PCDH15: variants seen among roughly 807,000 people sequenced by gnomAD.
PCDH15 encodes the protein protocadherin-15.
A neutral mutation model predicts 178.5 loss-of-function variants in PCDH15; 129 were observed. The ratio of observed to expected loss-of-function variants is 0.72; its 90% confidence interval spans 0.63 to 0.84. The LOEUF (loss-of-function observed/expected upper bound fraction) is 0.84. Ranked by LOEUF, PCDH15 falls within the 40% of genes least tolerant of loss-of-function variation. The probability of loss-of-function intolerance (pLI) is 0.00; values close to 1 mark genes in which losing one functional copy is unlikely to be tolerated. For synonymous variants in PCDH15, 800 were observed against 732.0 expected, an observed-to-expected ratio of 1.09 and a Z score of -1.50; for missense variants, 2,230 against 2,099.9, an observed-to-expected ratio of 1.06 and a Z score of -1.21.
intron 3 of PCDH15, among the ~76,000 whole-genome samples, chr10:54,853,217 A>C (rs926646465): frequency 4.7e-5 from 7 of 147,892 alleles, no homozygotes; most frequent in Non-Finnish European, 1.0e-4. Flanking sequence ...CCGAGATTAC[A>C]CCATTGCACT....
At chr10:54,891,123 T>A (rs1954453376) in intron 3 of PCDH15, among the ~76,000 whole-genome samples, 1 of 152,096 alleles carries the variant, frequency 6.6e-6, no homozygotes, top group Admixed American at 6.6e-5. Context: ...ATTATCAATG[T>A]TCTAAACAAA....
intron 26 of PCDH15, among the ~76,000 whole-genome samples, chr10:53,869,918 A>C (rs1204269514): frequency 6.6e-6 from 1 of 152,214 alleles, no homozygotes; most frequent in Non-Finnish European, 1.5e-5. Flanking sequence ...ACATTGACTG[A>C]ATCATAAAAT....
intron 18 of PCDH15, among the ~76,000 whole-genome samples, chr10:54,050,072 C>T (rs2660160): frequency 5.3e-5 from 8 of 152,106 alleles, no homozygotes; most frequent in African/African-American, 1.7e-4. Flanking sequence ...ATGCTGGCCT[C>T]ACAGAGTGCG....
At position 54,153,257 on chromosome 10, in the gene PCDH15, C is replaced by T. The variant is rs187850596; in HGVS notation, c.1627G>A (p.Glu543Lys). 4.2e-5 allele frequency: 68 copies of T among 1,613,778 alleles called. No individual in the cohort carries two copies. The highest frequency in any genetic ancestry group is 5.4e-5 in the Non-Finnish European group (64 of 1,179,848). Residue 543 changes from glutamate (E) to lysine (K), a missense_variant, in exon 14 of 38, where the codon GAG becomes AAG. By Grantham distance (56) the Glu-to-Lys change is moderately conservative (BLOSUM62 1). Coordinates refer to ENST00000644397, the MANE Select transcript of PCDH15 (RefSeq NM_001384140.1). The stretch of plus-strand genomic sequence containing the variant: ...CCAACAAGGATTTCATATGTGATCT[C>T]CCCATTTGACCCTTCGTCTGCGTCG... ...AVDADEGSNG[E>K]ITYEILVGAQ...
intron 2 of PCDH15, among the ~76,000 whole-genome samples, chr10:55,336,124 GAAAAAAA>G (rs748988261): frequency 2.8e-3 from 167 of 59,292 alleles, no homozygotes; most frequent in African/African-American, 9.5e-3. Flanking sequence ...CTTGGTATTT[GAAAAAAA>G]AAAAAAAAAA....
At chr10:55,282,159 T>C (rs1421982350) in intron 1 of PCDH15, among the ~76,000 whole-genome samples, 1 of 152,202 alleles carries the variant, frequency 6.6e-6, no homozygotes, top group Non-Finnish European at 1.5e-5. Flanking sequence ...TCCTTAATAA[T>C]AATACTGTTT....
At chr10:53,951,824 G>A (rs2087083939) in intron 23 of PCDH15, among the ~76,000 whole-genome samples, 1 of 152,186 alleles carries the variant, frequency 6.6e-6, no homozygotes, top group African/African-American at 2.4e-5. Context: ...TGCCAAGGGT[G>A]AGCCAGGTGC....
At chr10:54,248,170 T>C (rs867710388) in intron 8 of PCDH15, among the ~76,000 whole-genome samples, 1 of 151,702 alleles carries the variant, frequency 6.6e-6, no homozygotes, top group African/African-American at 2.4e-5. Flanking sequence ...GTGATATGAA[T>C]TTTGAAAGTT....
chr10:54,550,488 C>CTGTGTGTGTGTG lies in PCDH15; in HGVS notation c.92-22623_92-22612dup, dbSNP rs71010384. ...TGCCCCTGTGCCTTAGTGTATGTGT[C>CTGTGTGTGTGTG]TGTGTGTGTGTGTGTGTGTGTCACA... On this transcript the variant is annotated intron_variant, in intron 2 of 37. Coordinates refer to ENST00000644397, the MANE Select transcript of PCDH15 (RefSeq NM_001384140.1). 3.3e-5 allele frequency among the ~76,000 whole-genome samples: 5 copies of CTGTGTGTGTGTG among 150,860 alleles called. No individual in the cohort carries two copies. The South Asian group carries it at 6.3e-4, about 19-fold the overall frequency.
intron 1 of PCDH15, among the ~76,000 whole-genome samples, chr10:55,233,175 A>AT (rs1379809792): frequency 6.6e-6 from 1 of 152,128 alleles, no homozygotes; most frequent in Non-Finnish European, 1.5e-5. Flanking sequence ...TTGTTTTGAC[A>AT]TGATGGAGAT....
chr10:55,314,704 A>T (rs915135043), intron 1 of PCDH15, among the ~76,000 whole-genome samples: 2 of 152,136 alleles, frequency 1.3e-5, no homozygotes, highest in African/African-American at 4.8e-5. Flanking sequence ...ATGTAGTAGA[A>T]TTGTCTTCTT....
At chr10:53,837,086 CTG>C (rs1339562576) in intron 29 of PCDH15, among the ~76,000 whole-genome samples, 5 of 149,356 alleles carry the variant, frequency 3.3e-5, no homozygotes, top group African/African-American at 5.0e-5. Context: ...AAAGAAAAAA[CTG>C]TGTGTCTATG....
intron 2 of PCDH15, among the ~76,000 whole-genome samples, chr10:54,655,256 A>AAGAGAGAGAGAGAGAGAGAGAGAG (rs1173377441): frequency 1.0e-3 from 49 of 48,888 alleles, no homozygotes; most frequent in Admixed American, 1.6e-3. Context: ...GAAAGAAAGA[A>AAGAGAGAGAGAGAGAGAGAGAGAG]AGAGAGAGAG....
rs528501323 is a variant in PCDH15, at chr10:54,713,563, C to T, written c.-28-49273G>A. On this transcript the variant is annotated intron_variant, in intron 1 of 37. Transcript: ENST00000644397. ...ATTAAGTAGTCAGTATTCCACAGAT[C>T]ATGGAAGATTTTAGAATTCTGGATA... Among the ~76,000 whole-genome samples the T allele has an allele frequency of 1.3e-4, 20 of 152,106 alleles. 1 individual carries two copies. Among genetic ancestry groups the T allele is most frequent in the South Asian group, 1.2e-3 (6 of 4,812 alleles).
intron 15 of PCDH15, among the ~76,000 whole-genome samples, chr10:54,131,042 G>C (rs948641112): frequency 6.6e-6 from 1 of 152,126 alleles, no homozygotes; most frequent in African/African-American, 2.4e-5. Flanking sequence ...GAAGCACAAA[G>C]GGTGAATAGA....
chr10:54,421,692 A>ATATATATATATATG (rs1955378383), intron 3 of PCDH15, among the ~76,000 whole-genome samples: 8 of 113,658 alleles, frequency 7.0e-5, no homozygotes, highest in African/African-American at 1.5e-4. Context: ...ATATATATAT[A>ATATATATATATATG]TACACACACA....
intron 10 of PCDH15, among the ~76,000 whole-genome samples, chr10:54,206,284 C>A (rs1038695786): frequency 4.6e-5 from 7 of 152,046 alleles, no homozygotes; most frequent in Admixed American, 2.0e-4. Context: ...CCTTGCCACT[C>A]TGGGGAAGAC....
intron 2 of PCDH15, among the ~76,000 whole-genome samples, chr10:54,972,817 C>T (rs1838970120): frequency 7.1e-6 from 1 of 141,536 alleles, no homozygotes; most frequent in Non-Finnish European, 1.5e-5. Flanking sequence ...CCACTGCACT[C>T]CAGCCTAGGC....
intron 2 of PCDH15, among the ~76,000 whole-genome samples, chr10:55,109,898 C>T (rs1210820733): frequency 6.6e-6 from 1 of 151,632 alleles, no homozygotes; most frequent in Non-Finnish European, 1.5e-5. Context: ...TGGAAATTTC[C>T]CCAAAATCAA....
Sources: allele counts gnomAD v4.1 joint callset (sites outside exome capture counted in the v4.1 genomes callset), GRCh38; gene constraint gnomAD v4.1.1; transcripts MANE v1.5; gene names NCBI Gene and HGNC (gene_info 2026-07-23, HGNC 2026-07-21).